Variants in BCAS3 observed in about 807,000 individuals in gnomAD.
The protein encoded by BCAS3 is BCAS4/BCAS3 fusion.
In BCAS3, 53 loss-of-function variants were observed where a neutral mutation model predicts 116.1. The observed-to-expected ratio is 0.46, with a 90% CI of 0.37 to 0.57. BCAS3 has a LOEUF of 0.57. BCAS3 is among the 20% of genes least tolerant of loss of function. BCAS3 has a pLI of 0.00. For missense variants in BCAS3, 917 were observed against 1,165.4 expected, an observed-to-expected ratio of 0.79 and a Z score of 3.10; for synonymous variants, 391 against 408.2, an observed-to-expected ratio of 0.96 and a Z score of 0.51.
intron 6 of BCAS3, among the ~76,000 whole-genome samples, chr17:60,758,713 G>A (rs547298338): frequency 6.6e-6 from 1 of 152,052 alleles, no homozygotes. Flanking sequence ...GTGTCATTAG[G>A]TTGCTTATTT....
At position 61,122,093 on chromosome 17, in the gene BCAS3, A is replaced by C. The variant is rs1265817254; in HGVS notation, c.2425+37529A>C. Among the ~76,000 whole-genome samples, 1 of 152,244 alleles carries C rather than the reference A, an allele frequency of 6.6e-6. No individual in the cohort carries two copies. The highest frequency in any genetic ancestry group is 2.4e-5 in the African/African-American group (1 of 41,466). ...TATGCAAAGATAGATTGATTTTCTT[A>C]ATATTTTCAGCATAGTCTTGCCACA... On this transcript the variant is annotated intron_variant, in intron 22 of 23. Transcript: ENST00000407086. This position sits in a 1 kb window ranked among gnomAD's most constrained non-coding sequence, Gnocchi z 4.6.
Position 61,300,639 on chromosome 17 carries a change from A to G in BCAS3, c.2426-67688A>G, listed in dbSNP as rs917157137. On this transcript the variant is annotated intron_variant, in intron 22 of 23. Transcript: ENST00000407086. The surrounding 1 kb of genome is among the most constrained non-coding windows in gnomAD (Gnocchi z 5.1). Reference sequence around the variant, plus strand: ...GCTGGGAACAGTGAACACTCAAACAATGAGAGAAGAAATGTACAAAATGTG... The same window carrying G: ...GCTGGGAACAGTGAACACTCAAACAGTGAGAGAAGAAATGTACAAAATGTG... 2.0e-5 allele frequency among the ~76,000 whole-genome samples: 3 copies of G among 152,256 alleles called. No individual in the cohort carries two copies. Among genetic ancestry groups the G allele is most frequent in the African/African-American group, 4.8e-5 (2 of 41,470 alleles).
At chr17:60,864,726 C>T (rs1255162097) in intron 7 of BCAS3, among the ~76,000 whole-genome samples, 1 of 152,126 alleles carries the variant, frequency 6.6e-6, no homozygotes, top group Non-Finnish European at 1.5e-5. Flanking sequence ...GGTTTTCTGC[C>T]TGTATCAGCT....
intron 15 of BCAS3, among the ~76,000 whole-genome samples, chr17:61,006,951 T>C (rs1055560122): frequency 6.6e-6 from 1 of 152,058 alleles, no homozygotes; most frequent in Non-Finnish European, 1.5e-5. Flanking sequence ...GAATTAAAAA[T>C]TGCTAAACCT....
chr17:60,734,022 T>C (rs2040722171), intron 5 of BCAS3, among the ~76,000 whole-genome samples: 1 of 152,212 alleles, frequency 6.6e-6, no homozygotes, highest in Admixed American at 6.5e-5. Flanking sequence ...CAAGTCTAGC[T>C]TATTTTTTTC....
intron 5 of BCAS3, among the ~76,000 whole-genome samples, chr17:60,718,598 C>A (rs550815936): frequency 6.6e-6 from 1 of 151,990 alleles, no homozygotes; most frequent in Non-Finnish European, 1.5e-5. Flanking sequence ...CCATGCCTGG[C>A]GAATTTTTGT....
chr17:60,997,901 G>T (rs528236766), intron 15 of BCAS3, among the ~76,000 whole-genome samples: 11 of 152,260 alleles, frequency 7.2e-5, no homozygotes, highest in African/African-American at 2.6e-4. Flanking sequence ...CGTTACATGG[G>T]TATATTGCAT....
chr17:61,263,269 G>A (rs2049384269), intron 22 of BCAS3, among the ~76,000 whole-genome samples: 1 of 152,228 alleles, frequency 6.6e-6, no homozygotes, highest in Non-Finnish European at 1.5e-5. Flanking sequence ...GCCTGAAGCT[G>A]CAAGCAGATG....
chr17:60,968,679 A>G (rs1211408596), intron 14 of BCAS3, among the ~76,000 whole-genome samples: 1 of 152,130 alleles, frequency 6.6e-6, no homozygotes, highest in Non-Finnish European at 1.5e-5. Flanking sequence ...TTATCCCCAC[A>G]GTGTGTCAAG....
chr17:61,108,614 T>TG (rs1447168432), intron 22 of BCAS3, among the ~76,000 whole-genome samples: 1 of 151,634 alleles, frequency 6.6e-6, no homozygotes, highest in African/African-American at 2.4e-5. Context: ...GTTTTTTTTT[T>TG]TTTTAATTTC....
intron 19 of BCAS3, among the ~76,000 whole-genome samples, chr17:61,044,143 GA>G (rs548566126): frequency 6.6e-6 from 1 of 150,670 alleles, no homozygotes; most frequent in Non-Finnish European, 1.5e-5. Context: ...TTTTTGACCA[GA>G]AAAAAAAATA....
In BCAS3 at chr17:61,025,760, C is replaced by T. The variant is rs1161071635; in HGVS notation, c.1638-8906C>T. Among the ~76,000 whole-genome samples, 3 of 152,062 alleles carry T rather than the reference C, an allele frequency of 2.0e-5. 1 individual carries two copies. Among genetic ancestry groups the T allele is most frequent in the African/African-American group, 7.2e-5 (3 of 41,430 alleles). On this transcript the variant is annotated intron_variant, in intron 16 of 23. Transcript: ENST00000407086. ...CTATCCTATTTTTCCTTCTACCTCA[C>T]TTTCTTCTAGTTATCTCTTGCGTGT...
chr17:61,078,685 A>T (rs928816847), intron 21 of BCAS3, among the ~76,000 whole-genome samples, 156 bp downstream of exon 21: 1 of 152,232 alleles, frequency 6.6e-6, no homozygotes, highest in Non-Finnish European at 1.5e-5. Context: ...ATTACTTGAG[A>T]TGGTATATAG....
In BCAS3 at chr17:61,244,387, T is replaced by A. The variant is rs1479475247; in HGVS notation, c.2426-123940T>A. ...CAGTAATGAATGTGTTTTCCTTTGC[T>A]TTTTTACTTAGCACTATATTGTGAA... On this transcript the variant is annotated intron_variant, in intron 22 of 23. Transcript: ENST00000407086. This position sits in a 1 kb window ranked among gnomAD's most constrained non-coding sequence, Gnocchi z 4.9. Among the ~76,000 whole-genome samples the A allele has an allele frequency of 6.6e-6, 1 of 152,210 alleles. No homozygotes were observed. The highest frequency in any genetic ancestry group is 1.5e-5 in the Non-Finnish European group (1 of 68,030).
At chr17:61,341,547 G>A (rs1461534212) in intron 22 of BCAS3, among the ~76,000 whole-genome samples, 1 of 152,182 alleles carries the variant, frequency 6.6e-6, no homozygotes, top group African/African-American at 2.4e-5. Context: ...GTGGCACTCA[G>A]CCCGCTGCTG....
Position 61,136,005 on chromosome 17 carries a change from C to T in BCAS3, c.2425+51441C>T, listed in dbSNP as rs1174910450. On this transcript the variant is annotated intron_variant, in intron 22 of 23. Coordinates refer to ENST00000407086, the MANE Select transcript of BCAS3 (RefSeq NM_017679.5). This position sits in a 1 kb window ranked among gnomAD's most constrained non-coding sequence, Gnocchi z 4.4. ...GCTGCTGCTGCTGCTGCTCCTGTTT[C>T]CGCTTCTGCCATGGCCACCGCCACT... The T allele has an allele frequency of 1.4e-4, 23 of 161,036 alleles. No homozygotes were observed. In the East Asian group the frequency reaches 4.2e-3, roughly 30 times the overall value. 10.0% of individuals were successfully genotyped at this position (161,036 alleles called of 1,614,324 possible). A position where few individuals can be genotyped will look rare whatever the true frequency, so the allele number is the denominator to read the frequency against.
At chr17:60,776,922 G>GGAGAATTGCTT (rs1308751027) in intron 6 of BCAS3, among the ~76,000 whole-genome samples, 2 of 151,240 alleles carry the variant, frequency 1.3e-5, no homozygotes, top group African/African-American at 4.9e-5. Context: ...GGCTTAGGCA[G>GGAGAATTGCTT]GAGAATTGCT....
intron 22 of BCAS3, among the ~76,000 whole-genome samples, chr17:61,294,475 A>T (rs1312677158): frequency 6.6e-6 from 1 of 152,232 alleles, no homozygotes; most frequent in African/African-American, 2.4e-5. Flanking sequence ...GTTATTAAAA[A>T]ATTCCATGCT....
At chr17:60,838,641 A>G (rs2051592121) in intron 7 of BCAS3, among the ~76,000 whole-genome samples, 1 of 152,236 alleles carries the variant, frequency 6.6e-6, no homozygotes, top group African/African-American at 2.4e-5. Flanking sequence ...TAGACAATAA[A>G]GAAATGAATA....
Sources: allele counts gnomAD v4.1 joint callset (sites outside exome capture counted in the v4.1 genomes callset), GRCh38; gene constraint gnomAD v4.1.1; non-coding constraint Gnocchi (gnomAD v3.1); transcripts MANE v1.5; gene names NCBI Gene and HGNC (gene_info 2026-07-23, HGNC 2026-07-21).